The following MCPH1 variants were observed in gnomAD, a reference collection of about 807,000 sequenced individuals.
MCPH1 encodes the protein microcephalin 1, also known as microcephalin.
MCPH1 carries 104 observed loss-of-function variants against 84.5 expected under a neutral mutation model. The observed-to-expected ratio is 1.23, with a 90% confidence interval of 1.05 to 1.45. The LOEUF (loss-of-function observed/expected upper bound fraction) is 1.45. Ranked by LOEUF, MCPH1 falls within the 40% of genes most tolerant of loss-of-function variation. The pLI is 0.00. For synonymous variants in MCPH1, 514 were observed against 366.8 expected, an observed-to-expected ratio of 1.40 and a Z score of -4.58; for missense variants, 1,498 against 1,005.7, an observed-to-expected ratio of 1.49 and a Z score of -6.62.
chr8:6,576,656 C>T (rs551098591), intron 12 of MCPH1, among the ~76,000 whole-genome samples: 13 of 140,274 alleles, frequency 9.3e-5, no homozygotes, highest in South Asian at 4.6e-4. Flanking sequence ...TACAGGTGCC[C>T]GCCACCACGC....
At chr8:6,620,491 C>A (rs1026606430) in intron 12 of MCPH1, among the ~76,000 whole-genome samples, 2 of 152,116 alleles carry the variant, frequency 1.3e-5, no homozygotes, top group African/African-American at 4.8e-5. Flanking sequence ...GCCTGCTGCC[C>A]CTGACTGAGA....
At chr8:6,446,845 T>C in intron 8 of MCPH1, 1 of 985,340 alleles carries the variant, frequency 1.0e-6, no homozygotes, top group African/African-American at 1.7e-5. Context: ...GTGCTAGTCC[T>C]CGGAAGCAGG....
chr8:6,437,671 G>A (rs957133782), intron 5 of MCPH1, among the ~76,000 whole-genome samples: 5 of 152,162 alleles, frequency 3.3e-5, no homozygotes, highest in Non-Finnish European at 5.9e-5. Flanking sequence ...CACCTGGTGC[G>A]TGTCCATCCT....
At chr8:6,575,769 T>G (rs1468530985) in intron 12 of MCPH1, among the ~76,000 whole-genome samples, 1 of 152,138 alleles carries the variant, frequency 6.6e-6, no homozygotes, top group Non-Finnish European at 1.5e-5. Context: ...GACGGTCATG[T>G]GAAGACAGAT....
chr8:6,451,416 G>A (rs998290569), intron 8 of MCPH1, among the ~76,000 whole-genome samples: 2 of 152,214 alleles, frequency 1.3e-5, no homozygotes, highest in Admixed American at 1.3e-4. Context: ...AGCTAAGTAG[G>A]GAAGGTACAG....
chr8:6,491,066 A>ATT (rs199652275), intron 11 of MCPH1, among the ~76,000 whole-genome samples: 1 of 105,330 alleles, frequency 9.5e-6, no homozygotes, highest in African/African-American at 2.8e-5. Flanking sequence ...ATCAAAAAAA[A>ATT]TTTTTTTTTT....
At chr8:6,531,599 G>T (rs2515479) in intron 12 of MCPH1, among the ~76,000 whole-genome samples, 118,979 of 152,138 alleles carry the variant, frequency 0.78, 46,989 homozygotes, top group East Asian at 0.91. Flanking sequence ...GCCACTAGTT[G>T]ACTATTTCAG....
chr8:6,527,630 G>C (rs1409252918), intron 12 of MCPH1: 1 of 1,613,934 alleles, frequency 6.2e-7, no homozygotes, highest in Admixed American at 1.7e-5. Context: ...TGTCGAGAGG[G>C]AGTGTTCCAA....
At chr8:6,618,219 G>C (rs1831053276) in intron 12 of MCPH1, among the ~76,000 whole-genome samples, 2 of 151,808 alleles carry the variant, frequency 1.3e-5, no homozygotes, top group South Asian at 4.1e-4. Flanking sequence ...AGGCTCCTTG[G>C]CGAGAGCCAG....
intron 2 of MCPH1, among the ~76,000 whole-genome samples, chr8:6,410,071 G>A (rs1414923870): frequency 6.6e-6 from 1 of 152,038 alleles, no homozygotes; most frequent in Non-Finnish European, 1.5e-5. Flanking sequence ...CTGGGTTCAA[G>A]CGATTGTCCT....
At position 6,623,339 on chromosome 8, in the gene MCPH1, CCTCTCTCTCTCTCAAT is replaced by C. The variant is rs1042678286; in HGVS notation, c.2452+1662_2452+1677del. On this transcript the variant is annotated intron_variant, in intron 13 of 13. Coordinates refer to ENST00000344683, the MANE Select transcript of MCPH1 (RefSeq NM_024596.5). ...CTTACCCGACTTTAGAGGTACATCCCCTCTCTCTCTCTCAATCTCTCTCTCTCTCTCCTGTTCTCTC... is the reference window on the plus strand; with the variant it reads ...CTTACCCGACTTTAGAGGTACATCCCCTCTCTCTCTCTCTCCTGTTCTCTC... 7.3e-5 allele frequency among the ~76,000 whole-genome samples: 11 copies of C among 150,790 alleles called. 1 individual carries two copies. Among genetic ancestry groups the C allele is most frequent in the African/African-American group, 2.4e-4 (10 of 40,960 alleles).
chr8:6,559,341 G>A (rs1825160511), intron 12 of MCPH1, among the ~76,000 whole-genome samples: 1 of 151,924 alleles, frequency 6.6e-6, no homozygotes. Flanking sequence ...TCCCAGTGAC[G>A]GCAGCTATGT....
At chr8:6,586,945 A>T (rs1457729239) in intron 12 of MCPH1, among the ~76,000 whole-genome samples, 1 of 152,058 alleles carries the variant, frequency 6.6e-6, no homozygotes, top group Non-Finnish European at 1.5e-5. Context: ...CTGCTAACAG[A>T]GTGCAGGCTG....
intron 12 of MCPH1, among the ~76,000 whole-genome samples, chr8:6,505,497 ATATATG>A (rs1488823435): frequency 0.089 from 288 of 3,252 alleles, 11 homozygotes; most frequent in African/African-American, 0.12. Context: ...TATATTCTTT[ATATATG>A]TATATATAGA....
Position 6,532,414 on chromosome 8 carries a change from G to A in MCPH1, c.2214+32485G>A, listed in dbSNP as rs199805681. 2.2e-5 allele frequency: 36 copies of A among 1,613,730 alleles called. No homozygotes were observed. The highest frequency in any genetic ancestry group is 2.2e-5 in the South Asian group (2 of 91,064). On this transcript the variant is annotated intron_variant, in intron 12 of 13. Transcript: ENST00000344683. ...TGTCCCTATTTCTATCATCACAGCC[G>A]TCTGGTTCTGTACTGCATTCTGCTG...
At position 6,621,603 on chromosome 8, in the gene MCPH1, A is replaced by C. The variant is rs1446054967; in HGVS notation, c.2364A>C (p.Gln788His). The C allele has an allele frequency of 5.0e-6, 8 of 1,614,212 alleles. No individual in the cohort carries two copies. In the African/African-American group the frequency reaches 1.1e-4, roughly 22 times the overall value. Reference protein sequence around the residue: ...LVHLCGGRVSQVPRQASIVIG... With the variant: ...LVHLCGGRVSHVPRQASIVIG... ...ACCTGTGCGGAGGCCGGGTCAGCCAAGTCCCCCGCCAGGCCAGCATCGTCA... is the reference window on the plus strand; with the variant it reads ...ACCTGTGCGGAGGCCGGGTCAGCCACGTCCCCCGCCAGGCCAGCATCGTCA... Residue 788 changes from glutamine to histidine, a missense_variant, in exon 13 of 14, where the codon CAA (glutamine) becomes CAC (histidine). Physicochemically the swap from Gln to His is conservative, Grantham distance 24 (BLOSUM62 0). Coordinates refer to ENST00000344683, the MANE Select transcript of MCPH1 (RefSeq NM_024596.5).
Position 6,539,706 on chromosome 8 carries a change from C to T in MCPH1, c.2214+39777C>T, listed in dbSNP as rs540831734. 3.3e-5 allele frequency among the ~76,000 whole-genome samples: 5 copies of T among 152,332 alleles called. No homozygotes were observed. In the South Asian group the frequency reaches 1.0e-3, roughly 32 times the overall value. ...GGTTCAAACGATTCTCCCGCCTCAGCTTCCCAAGTAGCTGGGGTTACAGGC... is the reference window on the plus strand; with the variant it reads ...GGTTCAAACGATTCTCCCGCCTCAGTTTCCCAAGTAGCTGGGGTTACAGGC... On this transcript the variant is annotated intron_variant, in intron 12 of 13. Transcript: ENST00000344683.
chr8:6,619,047 G>A (rs968854366), intron 12 of MCPH1: 8 of 152,172 alleles, frequency 5.3e-5, no homozygotes, highest in South Asian at 2.1e-4. Context: ...TGATTCTCAC[G>A]TTGCATTGGC....
intron 10 of MCPH1, among the ~76,000 whole-genome samples, chr8:6,479,591 C>T (rs1311483723): frequency 4.6e-5 from 7 of 151,926 alleles, no homozygotes; most frequent in South Asian, 2.1e-4. Flanking sequence ...CCCGCGACCA[C>T]GCCCGGCTAA....
Sources: allele counts gnomAD v4.1 joint callset (sites outside exome capture counted in the v4.1 genomes callset), GRCh38; gene constraint gnomAD v4.1.1; transcripts MANE v1.5; gene names NCBI Gene and HGNC (gene_info 2026-07-23, HGNC 2026-07-21).